The following COG5 variants were observed in gnomAD, a reference collection of about 807,000 sequenced individuals.
COG5 encodes the protein conserved oligomeric Golgi complex subunit 5.
In COG5, 86 loss-of-function variants were observed where a neutral mutation model predicts 110.4. The observed-to-expected ratio is 0.78, with a 90% CI of 0.65 to 0.93. The LOEUF is 0.93. Among genes scored for constraint, COG5 ranks in the 40% least tolerant of loss-of-function variants. The pLI, the probability that COG5 is intolerant of heterozygous loss-of-function variation, is 0.00. For synonymous variants in COG5, 360 were observed against 334.6 expected (o/e 1.08, Z -0.83); for missense variants, 1,077 against 987.0 (o/e 1.09, Z -1.22).
chr7:107,563,693 C>A, intron 1 of COG5, 110 bp downstream of exon 1: 2 of 1,299,204 alleles, frequency 1.5e-6, no homozygotes, highest in Non-Finnish European at 2.2e-6. Context: ...GTGGTCACGT[C>A]CAGACTGGAA....
chr7:107,466,781 C>T (rs1044880213), intron 6 of COG5, among the ~76,000 whole-genome samples: 1 of 152,198 alleles, frequency 6.6e-6, no homozygotes, highest in Non-Finnish European at 1.5e-5. Flanking sequence ...GTTTACTACG[C>T]TAAGTATCCA....
chr7:107,239,914 A>G (rs1294971119), intron 17 of COG5, among the ~76,000 whole-genome samples: 1 of 152,182 alleles, frequency 6.6e-6, no homozygotes, highest in African/African-American at 2.4e-5. Flanking sequence ...CATACGCATA[A>G]CCAAGAAGTG....
intron 7 of COG5, among the ~76,000 whole-genome samples, chr7:107,398,794 C>A (rs1791209021): frequency 6.6e-6 from 1 of 151,994 alleles, no homozygotes; most frequent in African/African-American, 2.4e-5. Flanking sequence ...TTAGTAATTG[C>A]CTGGGTTTGG....
intron 11 of COG5, among the ~76,000 whole-genome samples, chr7:107,311,203 G>A (rs991729408): frequency 6.6e-6 from 1 of 151,972 alleles, no homozygotes; most frequent in Admixed American, 6.6e-5. Context: ...CCCTCCATAA[G>A]GTTTGTATGC....
chr7:107,204,043 G>C (rs1185391745), intron 21 of COG5, among the ~76,000 whole-genome samples: 2 of 152,198 alleles, frequency 1.3e-5, no homozygotes, highest in African/African-American at 4.8e-5. Flanking sequence ...CAAGGGGATG[G>C]GGCCCTTTGG....
chr7:107,276,915 C>CA (rs1419874846), intron 14 of COG5, among the ~76,000 whole-genome samples: 1 of 152,184 alleles, frequency 6.6e-6, no homozygotes, highest in Non-Finnish European at 1.5e-5. Context: ...ACCTTGATCT[C>CA]AGTTTTACAA....
chr7:107,362,996 C>T (rs1260736464), intron 8 of COG5, among the ~76,000 whole-genome samples: 1 of 152,088 alleles, frequency 6.6e-6, no homozygotes, highest in Non-Finnish European at 1.5e-5. Context: ...CAAAGAAATA[C>T]TGAACTTTAT....
rs567008079 is a variant in COG5, at chr7:107,434,798, G to A, written c.539-22166C>T. On this transcript the variant is annotated intron_variant, in intron 6 of 21. Transcript: ENST00000297135. ...ATCCTGGCTAACACAGTGAAACCCTGTCTCTACTAAAAATACAAAAAATTA... is the reference window on the plus strand; with the variant it reads ...ATCCTGGCTAACACAGTGAAACCCTATCTCTACTAAAAATACAAAAAATTA... 2.6e-5 allele frequency among the ~76,000 whole-genome samples: 4 copies of A among 152,030 alleles called. No homozygotes were observed. In the East Asian group the frequency reaches 7.7e-4, roughly 29 times the overall value.
In COG5 at chr7:107,527,324, T is replaced by C. The variant is rs79413133; in HGVS notation, c.451A>G (p.Ile151Val). The stretch of plus-strand genomic sequence containing the variant: ...TGGAGTCTCTTACTGAGATTCAAGA[T>C]ACGAATAATCCTCCGAAGCAAATCA... ...ACDLLRRIIR[I>V]LNLSKRLQGQ... The change falls in exon 6 of 22, where the codon ATC (isoleucine) becomes GTC (valine). Residue 151 changes from isoleucine to valine, a missense_variant. Coordinates refer to ENST00000297135, the MANE Select transcript of COG5 (RefSeq NM_006348.5). 1,371 of 1,613,522 alleles carry C rather than the reference T, an allele frequency of 8.5e-4. 12 individuals are homozygous for C. In the East Asian group the frequency reaches 0.021, roughly 25 times the overall value.
chr7:107,214,631 A>G (rs535926555), intron 19 of COG5, among the ~76,000 whole-genome samples: 106 of 152,358 alleles, frequency 7.0e-4, no homozygotes, highest in African/African-American at 2.5e-3. Context: ...TATTAAAATT[A>G]GAGCTCAAGG....
chr7:107,252,532 G>T (rs1802595123), intron 16 of COG5, among the ~76,000 whole-genome samples: 1 of 152,012 alleles, frequency 6.6e-6, no homozygotes, highest in African/African-American at 2.4e-5. Flanking sequence ...AGAAGAGGAG[G>T]AAACACTTTC....
chr7:107,558,390 G>A (rs1803489847), intron 1 of COG5, among the ~76,000 whole-genome samples: 1 of 151,966 alleles, frequency 6.6e-6, no homozygotes, highest in Admixed American at 6.5e-5. Flanking sequence ...CTGAGGTCAG[G>A]TGTTCAAGAC....
intron 6 of COG5, chr7:107,470,154 A>G (rs1040833804): frequency 6.6e-6 from 1 of 152,234 alleles, no homozygotes; most frequent in Admixed American, 6.6e-5. Flanking sequence ...TGGAGACAAG[A>G]AGCCTTCAGT....
intron 6 of COG5, chr7:107,475,317 T>C: frequency 2.5e-6 from 4 of 1,572,756 alleles, no homozygotes; most frequent in Non-Finnish European, 3.4e-6. Flanking sequence ...TTGAAGATAG[T>C]GAAATAAGAG....
chr7:107,563,734 C>A, intron 1 of COG5, 69 bp downstream of exon 1: 1 of 1,572,632 alleles, frequency 6.4e-7, no homozygotes, highest in Admixed American at 1.7e-5. Flanking sequence ...GTTGGGTCCA[C>A]CTCGCTGTCC....
intron 6 of COG5, among the ~76,000 whole-genome samples, chr7:107,431,027 C>T (rs971955617): frequency 6.6e-6 from 1 of 151,990 alleles, no homozygotes; most frequent in African/African-American, 2.4e-5. Context: ...AAAACAAAAC[C>T]AAAAACAAAC....
chr7:107,276,663 A>G (rs1804726500), intron 14 of COG5, among the ~76,000 whole-genome samples: 1 of 152,084 alleles, frequency 6.6e-6, no homozygotes, highest in African/African-American at 2.4e-5. Context: ...AAACAAACAA[A>G]AAACCCCAAA....
At chr7:107,344,872 T>G (rs1042814584) in intron 10 of COG5, among the ~76,000 whole-genome samples, 2 of 152,204 alleles carry the variant, frequency 1.3e-5, no homozygotes, top group Non-Finnish European at 2.9e-5. Context: ...ATAGCTCTTT[T>G]AATTTTTTCA....
intron 19 of COG5, among the ~76,000 whole-genome samples, chr7:107,224,237 G>T (rs1800161497): frequency 2.0e-5 from 3 of 152,210 alleles, no homozygotes; most frequent in African/African-American, 7.2e-5. Context: ...AAGCTGCAGA[G>T]ACGGCCTTCT....
Sources: gnomAD v4.1 joint callset for allele counts (sites outside exome capture counted in the v4.1 genomes callset) on GRCh38, gnomAD v4.1.1 for gene constraint, MANE v1.5 for transcripts, NCBI Gene and HGNC (gene_info 2026-07-23, HGNC 2026-07-21) for gene names.